Variants in COL24A1 observed in about 807,000 individuals in gnomAD.
COL24A1 encodes the protein collagen alpha-1(XXIV) chain.
Under a neutral mutation model 253.9 loss-of-function variants are expected in COL24A1, and 224 were observed. The observed-to-expected ratio is 0.88, with a 90% CI of 0.79 to 0.99. The LOEUF (loss-of-function observed/expected upper bound fraction) is 0.99, where lower values mean the gene tolerates loss of function less well. Among genes scored for constraint, COL24A1 ranks in the 50% least tolerant of loss-of-function variants. The pLI is 0.00. For missense variants in COL24A1, 2,131 were observed against 2,068.5 expected (o/e 1.03, Z -0.59); for synonymous variants, 685 against 673.7 (o/e 1.02, Z -0.26).
Position 85,841,458 on chromosome 1 carries a change from A to G in COL24A1, c.3571-180T>C, listed in dbSNP as rs151045179. ...TTTTATACAGAGTTGTAATTTGTACAGGGTTCTTCTTGGAGGTATCAATCT... is the reference window on the plus strand; with the variant it reads ...TTTTATACAGAGTTGTAATTTGTACGGGGTTCTTCTTGGAGGTATCAATCT... On this transcript the variant is annotated intron_variant, in intron 41 of 59. Transcript: ENST00000370571. Among the ~76,000 whole-genome samples the G allele has an allele frequency of 2.7e-3, 405 of 152,306 alleles. 1 individual carries two copies. The highest frequency in any genetic ancestry group is 8.2e-3 in the African/African-American group (339 of 41,578).
intron 12 of COL24A1, among the ~76,000 whole-genome samples, chr1:86,042,995 A>G (rs1238219930): frequency 6.6e-6 from 1 of 152,122 alleles, no homozygotes; most frequent in African/African-American, 2.4e-5. Flanking sequence ...AAAGACCTGA[A>G]CTCAGATTTT....
chr1:85,970,258 G>A lies in COL24A1; in HGVS notation c.2432C>T (p.Pro811Leu), dbSNP rs775527793. 3 of 1,590,602 alleles carry A rather than the reference G, an allele frequency of 1.9e-6. No individual in the cohort carries two copies. Among genetic ancestry groups the A allele is most frequent in the African/African-American group, 1.4e-5 (1 of 73,334 alleles). Residue 811 changes from proline to leucine, a missense_variant, in exon 22 of 60, where the codon CCA becomes CTA. By Grantham distance (98) the Pro-to-Leu change is moderately conservative. Transcript: ENST00000370571. ...CCCCAGTTCCCCAAAGGCTCCAATTGGTCCTTCTTCTCCCTTAAAAAAAAA... is the reference window on the plus strand; with the variant it reads ...CCCCAGTTCCCCAAAGGCTCCAATTAGTCCTTCTTCTCCCTTAAAAAAAAA... The part of the protein sequence containing the change: ...GLKGTQGEEG[P>L]IGAFGELGPR...
intron 39 of COL24A1, among the ~76,000 whole-genome samples, chr1:85,842,788 CA>C (rs573275905): frequency 8.5e-5 from 13 of 152,142 alleles, no homozygotes; most frequent in African/African-American, 2.9e-4. Context: ...CTACGGGATC[CA>C]GAACTCCATA....
At chr1:86,008,049 A>G (rs1392168976) in intron 19 of COL24A1, among the ~76,000 whole-genome samples, 1 of 152,216 alleles carries the variant, frequency 6.6e-6, no homozygotes, top group African/African-American at 2.4e-5. Flanking sequence ...GGATCACTAC[A>G]ATCAAGTAGA....
chr1:86,130,614 C>T (rs1443075043), intron 2 of COL24A1, among the ~76,000 whole-genome samples: 1 of 151,794 alleles, frequency 6.6e-6, no homozygotes, highest in Non-Finnish European at 1.5e-5. Context: ...TTTCCCATAC[C>T]TTCTAATATT....
At chr1:86,112,694 C>G in intron 4 of COL24A1, 74 bp from the exon 5 acceptor site, 1 of 1,375,160 alleles carries the variant, frequency 7.3e-7, no homozygotes. Flanking sequence ...TTACTTTCCT[C>G]TCAACATGTG....
intron 24 of COL24A1, among the ~76,000 whole-genome samples, chr1:85,924,107 A>G (rs1391304262): frequency 6.6e-6 from 1 of 152,208 alleles, no homozygotes; most frequent in Non-Finnish European, 1.5e-5. Flanking sequence ...ACACCCTCCA[A>G]AGACTAAACC....
intron 53 of COL24A1, among the ~76,000 whole-genome samples, chr1:85,774,759 T>A (rs1485090258): frequency 6.6e-6 from 1 of 152,202 alleles, no homozygotes; most frequent in Non-Finnish European, 1.5e-5. Flanking sequence ...GATTCTTCTC[T>A]CTTTTCTTCT....
In COL24A1 at chr1:85,919,590, G is replaced by A. The variant is rs140606362; in HGVS notation, c.2563-8157C>T. Among the ~76,000 whole-genome samples the A allele has an allele frequency of 1.6e-3, 247 of 152,304 alleles. 1 individual carries two copies. Among genetic ancestry groups the A allele is most frequent in the African/African-American group, 5.6e-3 (233 of 41,560 alleles). ...TCCCAGCTACTCAGAAGACTGAGGCGGGAGGCTTGAGCCCAGGAGTTGGAG... is the reference window on the plus strand; with the variant it reads ...TCCCAGCTACTCAGAAGACTGAGGCAGGAGGCTTGAGCCCAGGAGTTGGAG... On this transcript the variant is annotated intron_variant, in intron 24 of 59. Coordinates refer to ENST00000370571, the MANE Select transcript of COL24A1 (RefSeq NM_152890.7).
intron 7 of COL24A1, among the ~76,000 whole-genome samples, chr1:86,071,749 C>T (rs1445032253): frequency 1.3e-5 from 2 of 152,112 alleles, no homozygotes; most frequent in Non-Finnish European, 2.9e-5. Context: ...GAAAACATTA[C>T]TGGAGCTAAA....
At chr1:85,863,638 T>C (rs1679427745) in intron 37 of COL24A1, among the ~76,000 whole-genome samples, 1 of 152,142 alleles carries the variant, frequency 6.6e-6, no homozygotes, top group African/African-American at 2.4e-5. Context: ...GAGAAAATTT[T>C]TGCAATCTAC....
chr1:86,011,066 GTCCTA>G (rs1696443097), intron 19 of COL24A1, among the ~76,000 whole-genome samples: 3 of 152,102 alleles, frequency 2.0e-5, no homozygotes, highest in Admixed American at 2.0e-4. Flanking sequence ...ATCTAACTTT[GTCCTA>G]TATAGCTTTG....
chr1:86,037,966 T>C (rs897423578), intron 12 of COL24A1, among the ~76,000 whole-genome samples: 5 of 152,162 alleles, frequency 3.3e-5, no homozygotes, highest in Admixed American at 3.3e-4. Flanking sequence ...TAACAAAAAG[T>C]ATTACAATTT....
intron 47 of COL24A1, among the ~76,000 whole-genome samples, chr1:85,792,543 A>C (rs1409389118): frequency 1.3e-5 from 2 of 148,872 alleles, no homozygotes; most frequent in African/African-American, 4.9e-5. Context: ...AAAAAAAAGA[A>C]AGGAAAAAAG....
At chr1:86,029,391 A>C (rs1393397780) in intron 14 of COL24A1, among the ~76,000 whole-genome samples, 1 of 152,182 alleles carries the variant, frequency 6.6e-6, no homozygotes, top group African/African-American at 2.4e-5. Flanking sequence ...GAAAATAGTA[A>C]ACAAATGTGA....
intron 8 of COL24A1, 22 bp from the exon 9 acceptor site, chr1:86,059,196 A>C (rs1369287965): frequency 6.3e-7 from 1 of 1,581,572 alleles, no homozygotes; most frequent in Non-Finnish European, 8.7e-7. Context: ...AATAAAATGA[A>C]CAGTATAGCA....
chr1:85,857,593 GCATCAATATCCA>G (rs1678589335), intron 37 of COL24A1, among the ~76,000 whole-genome samples: 1 of 151,936 alleles, frequency 6.6e-6, no homozygotes, highest in African/African-American at 2.4e-5. Flanking sequence ...AATAACACCT[GCATCAATATCCA>G]AGGCATCCTC....
intron 24 of COL24A1, 139 bp from the exon 25 acceptor site, chr1:85,911,572 A>G (rs1465622393): frequency 1.4e-6 from 1 of 736,156 alleles, no homozygotes; most frequent in Non-Finnish European, 2.4e-6. Flanking sequence ...TCCTCCTTGT[A>G]TAGCTATGCA....
chr1:86,097,045 T>G (rs907936049), intron 5 of COL24A1, among the ~76,000 whole-genome samples: 1 of 152,178 alleles, frequency 6.6e-6, no homozygotes, highest in Non-Finnish European at 1.5e-5. Context: ...TGACGCTCTG[T>G]TTTTCCTGCA....
Sources: allele counts gnomAD v4.1 joint callset (sites outside exome capture counted in the v4.1 genomes callset), GRCh38; gene constraint gnomAD v4.1.1; transcripts MANE v1.5; gene names NCBI Gene and HGNC (gene_info 2026-07-23, HGNC 2026-07-21).